Variants in RSF1 observed in about 807,000 individuals in gnomAD.
The protein encoded by RSF1 is HBV pX-associated protein 8.
RSF1 carries 13 observed loss-of-function variants against 145.2 expected under a neutral mutation model. That is an observed-to-expected ratio of 0.09 (90% CI 0.06 to 0.14). The LOEUF is 0.14. Ranked by LOEUF, RSF1 falls within the 10% of genes least tolerant of loss-of-function variation. The probability of loss-of-function intolerance (pLI) is 1.00; values close to 1 mark genes in which losing one functional copy is unlikely to be tolerated. For synonymous variants in RSF1, 577 were observed against 592.6 expected (o/e 0.97, Z 0.38); for missense variants, 1,517 against 1,718.2 (o/e 0.88, Z 2.07).
the RSF1 span, among the ~76,000 whole-genome samples, chr11:77,831,233 C>A: frequency 7.2e-5 from 11 of 152,290 alleles, no homozygotes; most frequent in African/African-American, 2.4e-4. Context: ...GAAAGCAGAA[C>A]CCTCATCACT....
intron 1 of RSF1, among the ~76,000 whole-genome samples, chr11:77,800,285 A>T (rs1948614033): frequency 6.6e-6 from 1 of 152,156 alleles, no homozygotes; most frequent in Admixed American, 6.5e-5. Context: ...TGAGGTCAGG[A>T]GTTGGAGACC....
At chr11:77,675,748 C>T (rs1269723968) in intron 13 of RSF1, among the ~76,000 whole-genome samples, 6 of 152,208 alleles carry the variant, frequency 3.9e-5, no homozygotes, top group African/African-American at 1.4e-4. Flanking sequence ...TCATACTCAC[C>T]TTAACTACAA....
intron 1 of RSF1, among the ~76,000 whole-genome samples, chr11:77,780,907 C>A (rs1401627588): frequency 1.3e-5 from 2 of 151,964 alleles, no homozygotes; most frequent in East Asian, 1.9e-4. Context: ...CACTTCTGGC[C>A]TCAGGAAACC....
the RSF1 span, among the ~76,000 whole-genome samples, chr11:77,835,347 C>T: frequency 6.6e-6 from 1 of 152,240 alleles, no homozygotes; most frequent in Middle Eastern, 3.4e-3. Context: ...GACTGTGAGG[C>T]TGAAACCTGG....
At chr11:77,725,454 T>C (rs1961031279) in intron 5 of RSF1, 91 bp downstream of exon 5, 1 of 1,073,024 alleles carries the variant, frequency 9.3e-7, no homozygotes, top group African/African-American at 1.6e-5. Context: ...CAAATTGAGA[T>C]AGAAATTCAG....
intron 4 of RSF1, among the ~76,000 whole-genome samples, chr11:77,732,478 T>C (rs1001147651): frequency 1.3e-5 from 2 of 152,076 alleles, no homozygotes; most frequent in Admixed American, 6.6e-5. Flanking sequence ...GGACATGAGA[T>C]TTAGGAGGGG....
the RSF1 span, among the ~76,000 whole-genome samples, chr11:77,858,798 G>A: frequency 6.6e-6 from 1 of 152,202 alleles, no homozygotes. Flanking sequence ...CAGTCCAGGG[G>A]TCCACGGTAG....
chr11:77,825,110 A>C (rs1949108125), upstream of RSF1, among the ~76,000 whole-genome samples: 1 of 152,024 alleles, frequency 6.6e-6, no homozygotes, highest in African/African-American at 2.4e-5. Context: ...CCTCCCGAGT[A>C]GCTGGGGCTA....
chr11:77,799,006 A>G (rs982989702), intron 1 of RSF1, among the ~76,000 whole-genome samples: 4 of 151,964 alleles, frequency 2.6e-5, no homozygotes, highest in African/African-American at 9.7e-5. Context: ...GCCTTGAACA[A>G]AAACAAAAAT....
At chr11:77,772,234 A>G (rs189218241) in intron 1 of RSF1, among the ~76,000 whole-genome samples, 7 of 151,948 alleles carry the variant, frequency 4.6e-5, no homozygotes, top group Non-Finnish European at 1.0e-4. Flanking sequence ...GCAGTGGCAC[A>G]TCATGGCTCA....
chr11:77,729,125 T>C (rs1400401362), intron 4 of RSF1, among the ~76,000 whole-genome samples: 1 of 152,208 alleles, frequency 6.6e-6, no homozygotes, highest in Non-Finnish European at 1.5e-5. Context: ...AAGCACCTGA[T>C]GGAATCTGGT....
At chr11:77,734,815 A>C in intron 4 of RSF1, 2 of 1,595,406 alleles carry the variant, frequency 1.3e-6, no homozygotes, top group South Asian at 2.2e-5. Context: ...CTGCAGCTTC[A>C]TCAGTTTCTC....
chr11:77,836,937 C>A, the RSF1 span, among the ~76,000 whole-genome samples: 2 of 152,146 alleles, frequency 1.3e-5, no homozygotes, highest in Non-Finnish European at 2.9e-5. Context: ...TGCACTCCAG[C>A]CTGGGCAACA....
chr11:77,825,435 G>C (rs1194543677), upstream of RSF1, among the ~76,000 whole-genome samples: 1 of 152,092 alleles, frequency 6.6e-6, no homozygotes, highest in Non-Finnish European at 1.5e-5. Flanking sequence ...AGCTGCGCAC[G>C]GTGGTTCAAA....
At chr11:77,820,494 C>T in intron 1 of RSF1, 34 bp downstream of exon 1, 4 of 1,542,504 alleles carry the variant, frequency 2.6e-6, no homozygotes, top group Non-Finnish European at 3.5e-6. Flanking sequence ...GCGCCAGGGC[C>T]GCTTCCCGCC....
At position 77,666,832 on chromosome 11, in the gene RSF1, G is replaced by T; in HGVS notation, c.*85C>A. The stretch of plus-strand genomic sequence containing the variant: ...AGTCATTCTGTAGTGGAGTTTTCTA[G>T]GAAAAATTAAACAGCTTTTAATAAC... On this transcript the variant is annotated 3_prime_UTR_variant, in exon 16 of 16. Transcript: ENST00000308488. The T allele has an allele frequency of 8.4e-7, 1 of 1,194,552 alleles. No homozygotes were observed. Among genetic ancestry groups the T allele is most frequent in the Non-Finnish European group, 1.1e-6 (1 of 870,426 alleles). The allele number at this position is 1,194,552 out of a possible 1,614,324, so 74.0% of individuals were successfully genotyped here. A position where few individuals can be genotyped will look rare whatever the true frequency, so the allele number is the denominator to read the frequency against.
intron 2 of RSF1, among the ~76,000 whole-genome samples, chr11:77,749,100 T>C (rs934732366): frequency 6.6e-5 from 10 of 152,158 alleles, no homozygotes; most frequent in African/African-American, 2.2e-4. Context: ...GTGTCCAGAA[T>C]AGTCAAATCC....
At chr11:77,844,095 A>G in the RSF1 span, among the ~76,000 whole-genome samples, 1 of 152,124 alleles carries the variant, frequency 6.6e-6, no homozygotes, top group African/African-American at 2.4e-5. Context: ...GTGGGGACAC[A>G]GCCAAACTGT....
chr11:77,700,771 T>G lies in RSF1; in HGVS notation c.2458A>C (p.Lys820Gln). The G allele has an allele frequency of 6.3e-7, 1 of 1,589,978 alleles. No homozygotes were observed. The change falls in exon 6 of 16, where the codon AAG becomes CAG. Residue 820 changes from lysine (K) to glutamine (Q), a missense_variant. Transcript: ENST00000308488. Reference sequence around the variant, plus strand: ...TTCTCTGATTTTTTCAAAATTTCCTTTTTGTCAGTTTTTTGCAAAGCTGTT... The same window carrying G: ...TTCTCTGATTTTTTCAAAATTTCCTGTTTGTCAGTTTTTTGCAAAGCTGTT... ...ESTALQKTDK[K>Q]EILKKSEKDT... is the part of the protein sequence containing the mutation.
Sources: gnomAD v4.1 joint callset for allele counts (sites outside exome capture counted in the v4.1 genomes callset) on GRCh38, gnomAD v4.1.1 for gene constraint, MANE v1.5 for transcripts, NCBI Gene and HGNC (gene_info 2026-07-23, HGNC 2026-07-21) for gene names.